The following LRMDA variants were observed in gnomAD, a reference collection of about 807,000 sequenced individuals.
The protein encoded by LRMDA is leucine rich melanocyte differentiation associated, also known as leucine-rich melanocyte differentiation-associated protein.
In LRMDA, 18 loss-of-function variants were observed where a neutral mutation model predicts 29.8. The ratio of observed to expected loss-of-function variants is 0.60; its 90% CI spans 0.42 to 0.90. LRMDA has a LOEUF of 0.90. LRMDA is among the 40% of genes least tolerant of loss of function. LRMDA has a pLI of 0.00. For missense variants in LRMDA, 273 were observed against 273.9 expected (o/e 1.00, Z 0.02); for synonymous variants, 125 against 109.4 (o/e 1.14, Z -0.89).
intron 2 of LRMDA, among the ~76,000 whole-genome samples, chr10:75,454,553 T>G (rs901966862): frequency 1.3e-5 from 2 of 152,162 alleles, no homozygotes; most frequent in Admixed American, 1.3e-4. Flanking sequence ...TTTGTTCCAG[T>G]GACTTATTTT....
chr10:76,251,226 C>CTTTT (rs558637864), intron 5 of LRMDA, among the ~76,000 whole-genome samples: 3 of 70,304 alleles, frequency 4.3e-5, no homozygotes, highest in Non-Finnish European at 2.8e-5. Context: ...CCCGTCGCTT[C>CTTTT]TTTTTTTTTT....
chr10:76,504,503 G>T (rs1047005500), intron 6 of LRMDA, among the ~76,000 whole-genome samples: 1 of 151,956 alleles, frequency 6.6e-6, no homozygotes, highest in South Asian at 2.1e-4. Flanking sequence ...CCAATGTTGG[G>T]TACATATATG....
chr10:76,000,905 G>A (rs1307768231), intron 2 of LRMDA, among the ~76,000 whole-genome samples: 2 of 152,074 alleles, frequency 1.3e-5, no homozygotes, highest in East Asian at 3.9e-4. Flanking sequence ...CCACCATAAG[G>A]GGTCTTCACA....
intron 2 of LRMDA, among the ~76,000 whole-genome samples, chr10:75,522,163 T>C (rs1845369054): frequency 6.6e-6 from 1 of 152,212 alleles, no homozygotes; most frequent in Non-Finnish European, 1.5e-5. Context: ...ATGTATTAAC[T>C]CACTTAGTCC....
At chr10:76,124,720 A>T (rs1017916136) in intron 5 of LRMDA, among the ~76,000 whole-genome samples, 2 of 152,202 alleles carry the variant, frequency 1.3e-5, no homozygotes, top group Non-Finnish European at 2.9e-5. Flanking sequence ...AGTAGTCTGA[A>T]TTCTTTTCAG....
rs77437206 is a variant in LRMDA at position 76,541,791 on chromosome 10, C to T, written c.602-15418C>T. Among the ~76,000 whole-genome samples the T allele has an allele frequency of 3.9e-3, 589 of 152,162 alleles. 3 individuals are homozygous for T. Among genetic ancestry groups the T allele is most frequent in the African/African-American group, 0.013 (543 of 41,518 alleles). On this transcript the variant is annotated intron_variant, in intron 6 of 6. Transcript: ENST00000611255. Reference sequence around the variant, plus strand: ...CGAGCTCTGTAAATGTCATGGAACCCCTGCCTCTGCCTCCCCTATGTGTCT... The same window carrying T: ...CGAGCTCTGTAAATGTCATGGAACCTCTGCCTCTGCCTCCCCTATGTGTCT...
intron 6 of LRMDA, among the ~76,000 whole-genome samples, chr10:76,412,071 C>A (rs1841968019): frequency 1.3e-5 from 2 of 152,228 alleles, no homozygotes; most frequent in African/African-American, 4.8e-5. Context: ...CCTTTGAATT[C>A]TCTCGAAATT....
chr10:76,043,528 T>C (rs1000581452), intron 3 of LRMDA, among the ~76,000 whole-genome samples: 4 of 149,830 alleles, frequency 2.7e-5, no homozygotes, highest in African/African-American at 9.8e-5. Context: ...CAGATTATAG[T>C]GTAAATTACC....
intron 5 of LRMDA, among the ~76,000 whole-genome samples, chr10:76,189,128 C>T (rs758230268): frequency 2.6e-5 from 4 of 152,068 alleles, no homozygotes; most frequent in Admixed American, 1.3e-4. Context: ...GAAGCTGAGG[C>T]GGGTGGATCA....
chr10:76,159,184 T>G (rs1310049105), intron 5 of LRMDA, among the ~76,000 whole-genome samples: 2 of 152,170 alleles, frequency 1.3e-5, no homozygotes, highest in Non-Finnish European at 2.9e-5. Flanking sequence ...CCATCTAACA[T>G]TCTTATTTTC....
At chr10:76,338,815 A>T (rs1190657732) in intron 6 of LRMDA, among the ~76,000 whole-genome samples, 1 of 152,240 alleles carries the variant, frequency 6.6e-6, no homozygotes, top group African/African-American at 2.4e-5. Flanking sequence ...TGCTAACACA[A>T]AATCCAGGAA....
intron 2 of LRMDA, among the ~76,000 whole-genome samples, chr10:75,551,477 C>T (rs1304737463): frequency 6.6e-6 from 1 of 151,992 alleles, no homozygotes; most frequent in Non-Finnish European, 1.5e-5. Context: ...AATGCTACCC[C>T]TCCCCTAGCC....
At chr10:75,900,695 T>C (rs868339447) in intron 2 of LRMDA, among the ~76,000 whole-genome samples, 43 of 152,214 alleles carry the variant, frequency 2.8e-4, no homozygotes, top group African/African-American at 1.0e-3. Flanking sequence ...TCAGTCTAAG[T>C]GGACCTCACT....
intron 5 of LRMDA, among the ~76,000 whole-genome samples, chr10:76,200,015 G>T (rs1460122756): frequency 1.3e-5 from 2 of 152,168 alleles, no homozygotes; most frequent in Non-Finnish European, 2.9e-5. Context: ...AGGCTGGAGT[G>T]CAGTGGCACA....
chr10:75,494,805 T>G (rs1301861773), intron 2 of LRMDA, among the ~76,000 whole-genome samples: 1 of 152,130 alleles, frequency 6.6e-6, no homozygotes, highest in Non-Finnish European at 1.5e-5. Context: ...CTGGCCTGTT[T>G]GTTTCTTTCT....
At chr10:76,130,425 C>T (rs560584743) in intron 5 of LRMDA, among the ~76,000 whole-genome samples, 1 of 152,116 alleles carries the variant, frequency 6.6e-6, no homozygotes, top group South Asian at 2.1e-4. Flanking sequence ...GGATTGATAA[C>T]AGGTTCTGAT....
intron 2 of LRMDA, among the ~76,000 whole-genome samples, chr10:75,782,042 C>T (rs1316490929): frequency 6.6e-6 from 1 of 152,142 alleles, no homozygotes; most frequent in Non-Finnish European, 1.5e-5. Flanking sequence ...ATACCCTTTC[C>T]TTTGTGAAGC....
At chr10:76,417,006 A>C (rs560692267) in intron 6 of LRMDA, among the ~76,000 whole-genome samples, 2 of 152,204 alleles carry the variant, frequency 1.3e-5, no homozygotes, top group African/African-American at 4.8e-5. Context: ...GAGCTGGACA[A>C]TTCTACTCTG....
At chr10:76,544,076 TAG>T (rs1429358378) in intron 6 of LRMDA, among the ~76,000 whole-genome samples, 5 of 152,134 alleles carry the variant, frequency 3.3e-5, no homozygotes, top group South Asian at 2.1e-4. Flanking sequence ...CTAATATCCA[TAG>T]AGTCTTGGCC....
Sources: gnomAD v4.1 joint callset for allele counts (sites outside exome capture counted in the v4.1 genomes callset) on GRCh38, gnomAD v4.1.1 for gene constraint, MANE v1.5 for transcripts, NCBI Gene and HGNC (gene_info 2026-07-23, HGNC 2026-07-21) for gene names.